Variants in DNALI1 observed in about 807,000 individuals in gnomAD.
The protein encoded by DNALI1 is axonemal dynein light intermediate polypeptide 1.
A neutral mutation model predicts 33.9 loss-of-function variants in DNALI1; 31 were observed. That is an observed-to-expected ratio of 0.91 (90% confidence interval 0.69 to 1.23). The LOEUF is 1.23. Among genes scored for constraint, DNALI1 ranks in the 50% most tolerant of loss-of-function variants. The probability of loss-of-function intolerance (pLI) is 0.00; values close to 1 mark genes in which losing one functional copy is unlikely to be tolerated. For missense variants in DNALI1, 305 were observed against 323.8 expected, an observed-to-expected ratio of 0.94 and a Z score of 0.44; for synonymous variants, 117 against 129.2, an observed-to-expected ratio of 0.91 and a Z score of 0.64.
rs1231470802 is a variant in DNALI1, at chr1:37,566,575, T to C, written c.*1514T>C. The stretch of plus-strand genomic sequence containing the variant: ...AAACGAAATACCACCCTTTCCATTT[T>C]ATAGACCTCATCCCCTATTTCTGTC... On this transcript the variant is annotated 3_prime_UTR_variant, in exon 6 of 6. Transcript: ENST00000652629. The C allele has an allele frequency of 2.7e-6, 1 of 376,070 alleles. No homozygotes were observed. The highest frequency in any genetic ancestry group is 4.7e-6 in the Non-Finnish European group (1 of 211,426). The allele number at this position is 376,070 out of a possible 1,614,324, so 23.3% of individuals were successfully genotyped here. A position where few individuals can be genotyped will look rare whatever the true frequency, so the allele number is the denominator to read the frequency against.
In DNALI1 at chr1:37,559,397, G is replaced by A. The variant is rs946256528; in HGVS notation, c.298G>A (p.Val100Met). The change falls in exon 3 of 6, where the codon GTG (valine) becomes ATG (methionine). Residue 100 changes from valine (V) to methionine (M), a missense_variant. Val to Met is a conservative substitution (Grantham distance 21). Coordinates refer to ENST00000652629, the MANE Select transcript of DNALI1 (RefSeq NM_003462.5). This position sits in a 1 kb window ranked among gnomAD's most constrained non-coding sequence, Gnocchi z 5.3. Reference protein sequence around the residue: ...SSTPSTRMDVVHLQEQLDLKL... With the variant: ...SSTPSTRMDVMHLQEQLDLKL... ...CACCCCTAGCACCAGGATGGACGTG[G>A]TGCACCTCCAGGAGCAGTTAGACTT... 1 of 1,613,224 alleles carries A rather than the reference G, an allele frequency of 6.2e-7. No homozygotes were observed. The highest frequency in any genetic ancestry group is 8.5e-7 in the Non-Finnish European group (1 of 1,179,876).
chr1:37,561,695 C>T lies in DNALI1; in HGVS notation c.536C>T (p.Ala179Val). 6.2e-7 allele frequency: 1 copy of T among 1,614,122 alleles called. No homozygotes were observed. The highest frequency in any genetic ancestry group is 8.5e-7 in the Non-Finnish European group (1 of 1,179,992). Residue 179 changes from alanine (A) to valine (V), a missense_variant, in exon 4 of 6, where the codon GCA becomes GTA. Transcript: ENST00000652629. This position sits in a 1 kb window ranked among gnomAD's most constrained non-coding sequence, Gnocchi z 4.6. ...ESSVAFGMRK[A>V]LQAEQGKSDM... ...AGCGTGGCGTTTGGCATGAGGAAGG[C>T]ACTGCAGGCTGAGCAGGGGAAGTCA...
In DNALI1 at chr1:37,565,083, CCAA is replaced by C; in HGVS notation, c.*26_*28del. ...GTGATAATTTCCACATGATTAATTT[CCAA>C]CAAGACACTTGGGAGTTATTTACTG... On this transcript the variant is annotated 3_prime_UTR_variant, in exon 6 of 6. Coordinates refer to ENST00000652629, the MANE Select transcript of DNALI1 (RefSeq NM_003462.5). 1.2e-6 allele frequency: 2 copies of C among 1,613,764 alleles called. No individual in the cohort carries two copies. Among genetic ancestry groups the C allele is most frequent in the Non-Finnish European group, 1.7e-6 (2 of 1,179,646 alleles).
chr1:37,557,437 T>C (rs1017129863), intron 1 of DNALI1, among the ~76,000 whole-genome samples, 166 bp from the exon 2 acceptor site: 12 of 152,200 alleles, frequency 7.9e-5, no homozygotes, highest in Non-Finnish European at 1.8e-4. Context: ...CCAGACTTCA[T>C]GGCCTCCTTC....
chr1:37,557,504 G>A, intron 1 of DNALI1, 99 bp from the exon 2 acceptor site: 1 of 1,472,688 alleles, frequency 6.8e-7, no homozygotes, highest in Non-Finnish European at 9.1e-7. Context: ...TAGGAAGAGG[G>A]GAGGGCTGTG....
At position 37,559,536 on chromosome 1, in the gene DNALI1, C is replaced by A; in HGVS notation, c.397+40C>A. On this transcript the variant is annotated intron_variant, in intron 3 of 5. Transcript: ENST00000652629. This position sits in a 1 kb window ranked among gnomAD's most constrained non-coding sequence, Gnocchi z 5.3. ...TGAGGGGTGGGCACTACACACCCTA[C>A]TGCTCCCTTCCCTTCACCTTCAGCA... 2.0e-6 allele frequency: 3 copies of A among 1,534,052 alleles called. No individual in the cohort carries two copies. The highest frequency in any genetic ancestry group is 2.6e-6 in the Non-Finnish European group (3 of 1,136,860).
Position 37,557,761 on chromosome 1 carries a change from G to A in DNALI1, c.227+13G>A. 3 of 1,613,436 alleles carry A rather than the reference G, an allele frequency of 1.9e-6. No homozygotes were observed. The South Asian group carries it at 3.3e-5, about 18-fold the overall frequency. On this transcript the variant is annotated intron_variant, in intron 2 of 5. Coordinates refer to ENST00000652629, the MANE Select transcript of DNALI1 (RefSeq NM_003462.5). The stretch of plus-strand genomic sequence containing the variant: ...TACTACCCCCAAGGTAAGAAAGTAG[G>A]AGCAGTGGCTGGGAGAAGGCCTAAG...
intron 5 of DNALI1, among the ~76,000 whole-genome samples, chr1:37,564,571 C>T (rs1309276533): frequency 3.3e-5 from 5 of 152,014 alleles, no homozygotes; most frequent in South Asian, 2.1e-4. Flanking sequence ...TTAGTAGAGA[C>T]GGGGTTTCAC....
At position 37,561,955 on chromosome 1, in the gene DNALI1, C is replaced by CCA; in HGVS notation, c.577-126_577-125insCA. 6.8e-7 allele frequency: 1 copy of CCA among 1,463,084 alleles called. No individual in the cohort carries two copies. The allele number at this position is 1,463,084 out of a possible 1,614,324, so 90.6% of individuals were successfully genotyped here. The stretch of plus-strand genomic sequence containing the variant: ...TCCGCTGTAGACGCTCCATGCCAGG[C>CCA]ACTGACCTCCCACTGGGTGGCAGTA... On this transcript the variant is annotated intron_variant, in intron 4 of 5. Coordinates refer to ENST00000652629, the MANE Select transcript of DNALI1 (RefSeq NM_003462.5). The surrounding 1 kb of genome is among the most constrained non-coding windows in gnomAD (Gnocchi z 4.6).
rs908686245 is a variant in DNALI1, at chr1:37,557,083, C to G, written c.81+8C>G. 4 of 1,613,968 alleles carry G rather than the reference C, an allele frequency of 2.5e-6. No individual in the cohort carries two copies. The highest frequency in any genetic ancestry group is 3.4e-6 in the Non-Finnish European group (4 of 1,179,980). On this transcript the variant is annotated splice_region_variant and intron_variant, in intron 1 of 5. Transcript: ENST00000652629. ...GAGAAACGGAGCCCCAAGGTAAAGA[C>G]GGGGGCTCGGGAGACAAAGGAGCCT...
In DNALI1 at chr1:37,565,189, C is replaced by T. The variant is rs1643485197; in HGVS notation, c.*128C>T. ...AGTTTCCTGAGTGAACAAGCCATAA[C>T]CTCCCCTAAACACCACCTAGGTATT... On this transcript the variant is annotated 3_prime_UTR_variant, in exon 6 of 6. Transcript: ENST00000652629. The T allele has an allele frequency of 9.7e-7, 1 of 1,035,662 alleles. No individual in the cohort carries two copies. The highest frequency in any genetic ancestry group is 1.4e-5 in the South Asian group (1 of 73,954). 64.2% of individuals were successfully genotyped at this position (1,035,662 alleles called of 1,614,324 possible). A position where few individuals can be genotyped will look rare whatever the true frequency, so the allele number is the denominator to read the frequency against.
Position 37,565,392 on chromosome 1 carries a change from C to A in DNALI1, c.*331C>A. 3.1e-6 allele frequency: 1 copy of A among 321,566 alleles called. No homozygotes were observed. Among genetic ancestry groups the A allele is most frequent in the Non-Finnish European group, 5.8e-6 (1 of 173,384 alleles). 19.9% of individuals were successfully genotyped at this position (321,566 alleles called of 1,614,324 possible). A position where few individuals can be genotyped will look rare whatever the true frequency, so the allele number is the denominator to read the frequency against. On this transcript the variant is annotated 3_prime_UTR_variant, in exon 6 of 6. Coordinates refer to ENST00000652629, the MANE Select transcript of DNALI1 (RefSeq NM_003462.5). ...AAGCCACTGCTTTCTCATCATCACT[C>A]TATACCAATACTTATTTCTGGCCAA...
In DNALI1 at chr1:37,565,014, T is replaced by G; in HGVS notation, c.742-12T>G. 6.2e-7 allele frequency: 1 copy of G among 1,614,178 alleles called. No homozygotes were observed. ...GTTTCAAGTATTAATGGAGCTTGTT[T>G]TTGTTTTTCAGGCCCAACTGGAAGG... On this transcript the variant is annotated splice_polypyrimidine_tract_variant and intron_variant, in intron 5 of 5. Transcript: ENST00000652629.
In DNALI1 at chr1:37,562,291, C is replaced by T. The variant is rs751802740; in HGVS notation, c.741+46C>T. On this transcript the variant is annotated intron_variant, in intron 5 of 5. Transcript: ENST00000652629. The surrounding 1 kb of genome is among the most constrained non-coding windows in gnomAD (Gnocchi z 5.8). ...GGTGGAGGTGCCCCCTGCCCTGCGA[C>T]CCAGCCCCACAGGCCAGGCATTCGG... 3.2e-6 allele frequency: 5 copies of T among 1,582,370 alleles called. 1 individual carries two copies. The South Asian group carries it at 4.5e-5, about 14-fold the overall frequency.
rs779395727 is a variant in DNALI1 at position 37,557,007 on chromosome 1, G to A, written c.13G>A (p.Ala5Thr). MIPPADSLLKYDTPV... is the reference protein window; with the variant it reads MIPPTDSLLKYDTPV... ...TCTCGCCTCCGCCATGATTCCGCCC[G>A]CAGACTCTTTGCTCAAGTACGACAC... The change falls in exon 1 of 6, where the codon GCA becomes ACA. Residue 5 changes from alanine to threonine, a missense_variant. Transcript: ENST00000652629. The A allele has an allele frequency of 8.1e-6, 13 of 1,614,082 alleles. No individual in the cohort carries two copies. The highest frequency in any genetic ancestry group is 6.8e-6 in the Non-Finnish European group (8 of 1,180,044).
At chr1:37,557,964 T>C in intron 2 of DNALI1, 1 of 588,822 alleles carries the variant, frequency 1.7e-6, no homozygotes, top group Non-Finnish European at 2.9e-6. Context: ...CCCAATCTCA[T>C]GGCTTTAGAT....
At chr1:37,563,660 TC>T (rs1643465695) in intron 5 of DNALI1, among the ~76,000 whole-genome samples, 1 of 152,056 alleles carries the variant, frequency 6.6e-6, no homozygotes, top group Admixed American at 6.5e-5. Context: ...CCGGCAAATT[TC>T]TGTATTTTGA....
chr1:37,562,919 G>A lies in DNALI1; in HGVS notation c.741+674G>A, dbSNP rs183642426. The stretch of plus-strand genomic sequence containing the variant: ...AAAAGGTAGGCCCTAGATCAACATC[G>A]TCCTCACCTGGCAAAGCAAGACAAA... On this transcript the variant is annotated intron_variant, in intron 5 of 5. Coordinates refer to ENST00000652629, the MANE Select transcript of DNALI1 (RefSeq NM_003462.5). This position sits in a 1 kb window ranked among gnomAD's most constrained non-coding sequence, Gnocchi z 5.8. Among the ~76,000 whole-genome samples, 24 of 152,296 alleles carry A rather than the reference G, an allele frequency of 1.6e-4. No homozygotes were observed. Among genetic ancestry groups the A allele is most frequent in the African/African-American group, 5.1e-4 (21 of 41,562 alleles).
At position 37,557,716 on chromosome 1, in the gene DNALI1, A is replaced by C; in HGVS notation, c.195A>C (p.Ala65=). ...GTGTCCCAGATCCTACAAAGCAGGC[A>C]GAAGAAATCTTGAATGCCATACTAC... ...TPCVPDPTKQ[A]EEILNAILPP... is the part of the protein sequence containing the mutation. Residue 65 remains alanine, a synonymous_variant, in exon 2 of 6, where the codon GCA becomes GCC. Transcript: ENST00000652629. 5.6e-6 allele frequency: 9 copies of C among 1,613,956 alleles called. No homozygotes were observed. Among genetic ancestry groups the C allele is most frequent in the Non-Finnish European group, 7.6e-6 (9 of 1,179,912 alleles).
Sources: gnomAD v4.1 joint callset for allele counts (sites outside exome capture counted in the v4.1 genomes callset) on GRCh38, gnomAD v4.1.1 for gene constraint, Gnocchi (gnomAD v3.1) non-coding constraint, MANE v1.5 for transcripts, NCBI Gene and HGNC (gene_info 2026-07-23, HGNC 2026-07-21) for gene names.